METTL15: variants seen among roughly 807,000 people sequenced by gnomAD.
METTL15 encodes the protein methyltransferase 15, mitochondrial 12S rRNA N4-cytidine.
METTL15 carries 34 observed loss-of-function variants against 38.3 expected under a neutral mutation model. The observed-to-expected ratio is 0.89, with a 90% CI of 0.68 to 1.18. METTL15 has a LOEUF of 1.18. Ranked by LOEUF, METTL15 falls within the 50% of genes most tolerant of loss-of-function variation. METTL15 has a pLI of 0.00. For synonymous variants in METTL15, 162 were observed against 170.9 expected, an observed-to-expected ratio of 0.95 and a Z score of 0.41; for missense variants, 438 against 498.4, an observed-to-expected ratio of 0.88 and a Z score of 1.15.
intron 6 of METTL15, among the ~76,000 whole-genome samples, chr11:28,429,580 A>G (rs1452975669): frequency 2.3e-5 from 2 of 85,800 alleles, no homozygotes; most frequent in Admixed American, 1.3e-4. Flanking sequence ...GCCGGTCTCC[A>G]GCCCCTAACC....
Position 28,300,556 on chromosome 11 carries a change from G to A in METTL15, c.778+3625G>A, listed in dbSNP as rs543924873. ...CCAAAAGACAGGTTCAAGACTCCAAGTTGGAACAGAGCACTTACAAGCATT... is the reference window on the plus strand; with the variant it reads ...CCAAAAGACAGGTTCAAGACTCCAAATTGGAACAGAGCACTTACAAGCATT... On this transcript the variant is annotated intron_variant, in intron 6 of 6. Transcript: ENST00000407364. Among the ~76,000 whole-genome samples, 3 of 152,246 alleles carry A rather than the reference G, an allele frequency of 2.0e-5. No individual in the cohort carries two copies. In the East Asian group the frequency reaches 5.8e-4, roughly 29 times the overall value.
intron 4 of METTL15, among the ~76,000 whole-genome samples, chr11:28,264,149 G>T (rs988699593): frequency 1.3e-4 from 20 of 152,060 alleles, no homozygotes; most frequent in African/African-American, 4.8e-4. Context: ...ATTGTGGAAA[G>T]AAAACTCTTT....
chr11:28,499,173 C>G (rs1373030854), intron 6 of METTL15, among the ~76,000 whole-genome samples: 2 of 152,304 alleles, frequency 1.3e-5, no homozygotes, highest in South Asian at 2.1e-4. Context: ...CTCAAGCAGA[C>G]CTGCCCCTTG....
intron 5 of METTL15, among the ~76,000 whole-genome samples, chr11:28,371,701 C>A (rs189100986): frequency 1.3e-5 from 2 of 151,890 alleles, no homozygotes; most frequent in African/African-American, 4.8e-5. Context: ...TTTGTATAGA[C>A]CTTTCACTTC....
In METTL15 at chr11:28,192,268, C is replaced by G. The variant is rs1220246856; in HGVS notation, c.271-18794C>G. ...ACAACTTGATGTATCAAAAAGTTTT[C>G]CAGGCTTTAAGTGAATATCTACTTA... On this transcript the variant is annotated intron_variant, in intron 3 of 6. Coordinates refer to ENST00000407364, the MANE Select transcript of METTL15 (RefSeq NM_001113528.2). Among the ~76,000 whole-genome samples, 3 of 151,756 alleles carry G rather than the reference C, an allele frequency of 2.0e-5. No individual in the cohort carries two copies. In the East Asian group the frequency reaches 5.8e-4, roughly 29 times the overall value.
intron 6 of METTL15, among the ~76,000 whole-genome samples, chr11:28,303,318 T>G (rs1856973779): frequency 6.6e-6 from 1 of 152,210 alleles, no homozygotes; most frequent in South Asian, 2.1e-4. Context: ...TAATAATCAT[T>G]AATTTTCTTT....
intron 4 of METTL15, among the ~76,000 whole-genome samples, chr11:28,360,850 TTCC>T (rs1850131816): frequency 8.1e-6 from 1 of 123,098 alleles, no homozygotes; most frequent in Admixed American, 1.0e-4. Context: ...GATGTTCCCC[TTCC>T]TGTGTCCATG....
chr11:28,440,861 G>C (rs977477429), intron 6 of METTL15, among the ~76,000 whole-genome samples: 1 of 152,136 alleles, frequency 6.6e-6, no homozygotes, highest in Admixed American at 6.5e-5. Context: ...GGGAGGAAAG[G>C]TGCCATCAAG....
chr11:28,393,318 A>G lies in METTL15; in HGVS notation c.*359-30981A>G, dbSNP rs969217745. The stretch of plus-strand genomic sequence containing the variant: ...TGAATGGATAAAGAAAATGTGGTAT[A>G]TACATACAATGAAATATTTAGTCTT... On this transcript the variant is annotated intron_variant and NMD_transcript_variant, in intron 5 of 7. Transcript: ENST00000532947. Among the ~76,000 whole-genome samples the G allele has an allele frequency of 2.0e-5, 3 of 152,192 alleles. No individual in the cohort carries two copies. The South Asian group carries it at 6.2e-4, about 31-fold the overall frequency.
intron 4 of METTL15, among the ~76,000 whole-genome samples, chr11:28,217,682 A>T (rs1206451581): frequency 2.0e-5 from 3 of 152,064 alleles, no homozygotes; most frequent in Admixed American, 2.0e-4. Context: ...TAGGGTTTTT[A>T]TGGTTTTAGG....
At chr11:28,351,295 A>G (rs1421800506) in intron 3 of METTL15, among the ~76,000 whole-genome samples, 1 of 152,034 alleles carries the variant, frequency 6.6e-6, no homozygotes, top group Admixed American at 6.5e-5. Context: ...TGTTTTTAGT[A>G]GAAACGGGTT....
intron 6 of METTL15, among the ~76,000 whole-genome samples, chr11:28,300,174 G>C (rs1291266966): frequency 6.6e-6 from 1 of 152,048 alleles, no homozygotes; most frequent in Non-Finnish European, 1.5e-5. Context: ...CAATATCTTT[G>C]TTTGACAAAC....
At chr11:28,169,556 T>C (rs1590857115) in intron 3 of METTL15, among the ~76,000 whole-genome samples, 1 of 152,192 alleles carries the variant, frequency 6.6e-6, no homozygotes, top group African/African-American at 2.4e-5. Flanking sequence ...AGGTGATTTC[T>C]GTTTTGTTTT....
intron 6 of METTL15, among the ~76,000 whole-genome samples, chr11:28,309,484 T>C (rs530408639): frequency 1.3e-5 from 2 of 152,336 alleles, no homozygotes; most frequent in Non-Finnish European, 2.9e-5. Flanking sequence ...CCTTTCACTT[T>C]GCATTTTTAA....
Position 28,504,736 on chromosome 11 carries a change from C to T in METTL15, c.*425-21742C>T, listed in dbSNP as rs148987213. On this transcript the variant is annotated intron_variant and NMD_transcript_variant, in intron 6 of 7. Transcript: ENST00000532947. ...TAAATTACTGAATTCAAATAATTGT[C>T]ATCGTGATGCACATATGTTAAGGGC... Among the ~76,000 whole-genome samples the T allele has an allele frequency of 4.9e-3, 741 of 152,322 alleles. 6 individuals are homozygous for T. The highest frequency in any genetic ancestry group is 0.017 in the African/African-American group (691 of 41,574).
At chr11:28,289,568 G>T (rs967603173) in intron 4 of METTL15, among the ~76,000 whole-genome samples, 3 of 152,146 alleles carry the variant, frequency 2.0e-5, no homozygotes, top group Non-Finnish European at 4.4e-5. Context: ...AGAAGAATTA[G>T]TATAGCTGCA....
intron 6 of METTL15, among the ~76,000 whole-genome samples, chr11:28,326,082 C>T (rs747772578): frequency 6.6e-6 from 1 of 152,148 alleles, no homozygotes; most frequent in Non-Finnish European, 1.5e-5. Flanking sequence ...CCATATTAGA[C>T]TCTGTGGTGA....
intron 4 of METTL15, among the ~76,000 whole-genome samples, chr11:28,271,141 T>A (rs1855623747): frequency 6.6e-6 from 1 of 152,178 alleles, no homozygotes; most frequent in African/African-American, 2.4e-5. Context: ...CAGGCCGGAC[T>A]GCAGAAAAGA....
At chr11:28,190,466 G>A (rs554317540) in intron 3 of METTL15, among the ~76,000 whole-genome samples, 2 of 150,990 alleles carry the variant, frequency 1.3e-5, no homozygotes, top group African/African-American at 2.4e-5. Context: ...AAAGAAGATC[G>A]TTCTTAATTT....
Sources: gnomAD v4.1 joint callset for allele counts (sites outside exome capture counted in the v4.1 genomes callset) on GRCh38, gnomAD v4.1.1 for gene constraint, MANE v1.5 for transcripts, NCBI Gene and HGNC (gene_info 2026-07-23, HGNC 2026-07-21) for gene names.